Variants in BANK1 observed in about 807,000 individuals in gnomAD.
BANK1 encodes the protein B-cell scaffold protein with ankyrin repeats.
BANK1 carries 95 observed loss-of-function variants against 94.5 expected under a neutral mutation model. The observed-to-expected ratio is 1.00, with a 90% CI of 0.85 to 1.19. BANK1 has a LOEUF of 1.19. BANK1 is among the 50% of genes most tolerant of loss of function. BANK1 has a pLI of 0.00. For missense variants in BANK1, 987 were observed against 932.2 expected, an observed-to-expected ratio of 1.06 and a Z score of -0.77; for synonymous variants, 334 against 308.4, an observed-to-expected ratio of 1.08 and a Z score of -0.87.
intron 1 of BANK1, among the ~76,000 whole-genome samples, chr4:101,825,677 G>C (rs906867904): frequency 6.6e-6 from 1 of 152,026 alleles, no homozygotes; most frequent in African/African-American, 2.4e-5. Context: ...TTAGCAACAT[G>C]CCTGGTACAT....
chr4:101,797,365 T>TA (rs971953448), intron 1 of BANK1, among the ~76,000 whole-genome samples: 1 of 152,154 alleles, frequency 6.6e-6, no homozygotes, highest in African/African-American at 2.4e-5. Context: ...TAAATTTGTG[T>TA]AAAAAATTCC....
chr4:101,932,975 G>A (rs752738433), intron 7 of BANK1, among the ~76,000 whole-genome samples: 14 of 151,360 alleles, frequency 9.2e-5, no homozygotes, highest in Non-Finnish European at 1.8e-4. Context: ...TTTCCCTGTG[G>A]TTTTGAAATG....
chr4:101,864,762 G>A (rs774092084), intron 4 of BANK1, among the ~76,000 whole-genome samples: 16 of 152,154 alleles, frequency 1.1e-4, no homozygotes, highest in African/African-American at 2.9e-4. Context: ...ATAAACAGCC[G>A]TGTAGGACAG....
chr4:102,012,833 C>CA (rs137973195), intron 7 of BANK1, among the ~76,000 whole-genome samples: 6,522 of 148,148 alleles, frequency 0.044, 245 homozygotes, highest in East Asian at 0.17. Flanking sequence ...GAAGAAAGAA[C>CA]AAAAAAAAAA....
intron 5 of BANK1, among the ~76,000 whole-genome samples, chr4:101,891,185 C>T (rs920618676): frequency 6.6e-6 from 1 of 152,066 alleles, no homozygotes; most frequent in Admixed American, 6.6e-5. Flanking sequence ...TTTTAGGCCA[C>T]ATCTGCTGAT....
At chr4:102,018,998 A>G (rs1351642116) in intron 7 of BANK1, among the ~76,000 whole-genome samples, 1 of 151,690 alleles carries the variant, frequency 6.6e-6, no homozygotes, top group Non-Finnish European at 1.5e-5. Flanking sequence ...TTGTATTTTT[A>G]GTAGAGACAG....
At chr4:102,062,956 A>G (rs1195053831) in intron 12 of BANK1, 119 bp from the exon 13 acceptor site, 2 of 721,218 alleles carry the variant, frequency 2.8e-6, no homozygotes, top group South Asian at 3.7e-5. Flanking sequence ...TTGAGACATC[A>G]TAAGTAGCAA....
chr4:102,025,135 T>C, intron 8 of BANK1, 66 bp from the exon 9 acceptor site: 1 of 1,519,310 alleles, frequency 6.6e-7, no homozygotes, highest in Non-Finnish European at 9.0e-7. Context: ...TGTACAATTT[T>C]ATAAAATATG....
chr4:102,070,316 T>C (rs1009547020), intron 13 of BANK1, among the ~76,000 whole-genome samples: 24 of 152,138 alleles, frequency 1.6e-4, no homozygotes, highest in African/African-American at 5.8e-4. Flanking sequence ...ACATGCACGG[T>C]GTCCGCCTTA....
intron 6 of BANK1, among the ~76,000 whole-genome samples, 180 bp downstream of exon 6, chr4:101,895,590 T>C (rs1411444458): frequency 1.3e-5 from 2 of 151,700 alleles, no homozygotes; most frequent in African/African-American, 4.8e-5. Flanking sequence ...CGTTTGGTAA[T>C]TTTTTTTATC....
chr4:101,949,541 A>T (rs1431123370), intron 7 of BANK1, among the ~76,000 whole-genome samples: 6 of 152,140 alleles, frequency 3.9e-5, no homozygotes, highest in Admixed American at 3.3e-4. Context: ...TATTACGTAA[A>T]GCTCTTAGTA....
At chr4:101,939,461 A>G (rs1438412793) in intron 7 of BANK1, among the ~76,000 whole-genome samples, 2 of 151,716 alleles carry the variant, frequency 1.3e-5, no homozygotes, top group Admixed American at 1.3e-4. Flanking sequence ...TCTTCCCAAC[A>G]AAATAACTCA....
chr4:102,053,949 T>A (rs1728139338), intron 11 of BANK1, among the ~76,000 whole-genome samples: 1 of 151,868 alleles, frequency 6.6e-6, no homozygotes. Flanking sequence ...TTCATATATA[T>A]GTATATATGT....
intron 10 of BANK1, among the ~76,000 whole-genome samples, chr4:102,035,500 T>G (rs573859257): frequency 1.3e-5 from 2 of 151,994 alleles, no homozygotes; most frequent in Non-Finnish European, 2.9e-5. Context: ...TACAAAAAAT[T>G]AGCCGGGCAT....
At chr4:101,963,885 C>T (rs1271035817) in intron 7 of BANK1, among the ~76,000 whole-genome samples, 2 of 152,080 alleles carry the variant, frequency 1.3e-5, no homozygotes, top group Non-Finnish European at 2.9e-5. Context: ...GTCCATCCTT[C>T]AATTTCTATC....
intron 4 of BANK1, among the ~76,000 whole-genome samples, chr4:101,864,664 T>G (rs913291042): frequency 6.6e-6 from 1 of 152,202 alleles, no homozygotes; most frequent in African/African-American, 2.4e-5. Context: ...ACAAATTTAT[T>G]TAATCAAAGA....
intron 7 of BANK1, among the ~76,000 whole-genome samples, chr4:101,962,466 T>A (rs1724604500): frequency 2.0e-5 from 3 of 152,190 alleles, no homozygotes; most frequent in African/African-American, 7.2e-5. Context: ...ATATTCATGT[T>A]TCCCAAAATC....
At chr4:101,929,866 A>T (rs1488917192) in intron 7 of BANK1, among the ~76,000 whole-genome samples, 1 of 151,510 alleles carries the variant, frequency 6.6e-6, no homozygotes, top group East Asian at 2.0e-4. Flanking sequence ...TAGTAAAAAA[A>T]ATTTAATTGA....
intron 11 of BANK1, among the ~76,000 whole-genome samples, chr4:102,059,967 A>C (rs192723082): frequency 1.9e-4 from 29 of 152,306 alleles, no homozygotes; most frequent in African/African-American, 7.0e-4. Flanking sequence ...AACCTTTGCT[A>C]CTGCCCTTTC....
Sources: gnomAD v4.1 joint callset for allele counts (sites outside exome capture counted in the v4.1 genomes callset) on GRCh38, gnomAD v4.1.1 for gene constraint, MANE v1.5 for transcripts, NCBI Gene and HGNC (gene_info 2026-07-23, HGNC 2026-07-21) for gene names.